The following STARD13 variants were observed in gnomAD, a reference collection of about 807,000 sequenced individuals.
The protein encoded by STARD13 is StAR related lipid transfer domain containing 13.
Under a neutral mutation model 106.4 loss-of-function variants are expected in STARD13, and 62 were observed. The observed-to-expected ratio is 0.58, with a 90% CI of 0.48 to 0.72. STARD13 has a LOEUF of 0.72. STARD13 is among the 30% of genes least tolerant of loss of function. The pLI, the probability that STARD13 is intolerant of heterozygous loss-of-function variation, is 0.00. For missense variants in STARD13, 1,387 were observed against 1,424.0 expected (o/e 0.97, Z 0.42); for synonymous variants, 565 against 553.0 (o/e 1.02, Z -0.31).
chr13:33,650,235 G>A, the STARD13 span, among the ~76,000 whole-genome samples: 1 of 115,900 alleles, frequency 8.6e-6, no homozygotes, highest in Non-Finnish European at 1.6e-5. Context: ...CTGTCACCCA[G>A]CCTGGAGTGC....
At chr13:33,670,089 C>T in the STARD13 span, among the ~76,000 whole-genome samples, 1 of 152,144 alleles carries the variant, frequency 6.6e-6, no homozygotes, top group Admixed American at 6.5e-5. Context: ...ATTTGGGCTG[C>T]AGGATCCTGA....
the STARD13 span, among the ~76,000 whole-genome samples, chr13:33,410,700 A>G: frequency 6.6e-6 from 1 of 152,202 alleles, no homozygotes; most frequent in Non-Finnish European, 1.5e-5. Context: ...TTTCTCTTTT[A>G]AGCGCTCCTC....
At chr13:33,525,112 C>G in the STARD13 span, among the ~76,000 whole-genome samples, 2 of 151,990 alleles carry the variant, frequency 1.3e-5, no homozygotes, top group Non-Finnish European at 2.9e-5. Context: ...GCCTTAAACT[C>G]CCAGGCTAAA....
intron 1 of STARD13, among the ~76,000 whole-genome samples, chr13:33,178,626 C>T (rs1310546262): frequency 6.6e-6 from 1 of 152,208 alleles, no homozygotes; most frequent in Non-Finnish European, 1.5e-5. Context: ...AAATTCAAAA[C>T]TAAGGTCCTG....
chr13:33,581,984 G>C, the STARD13 span, among the ~76,000 whole-genome samples: 1 of 152,114 alleles, frequency 6.6e-6, no homozygotes, highest in Non-Finnish European at 1.5e-5. Context: ...ACTTTGGGAG[G>C]CCGAGGCGAG....
the STARD13 span, among the ~76,000 whole-genome samples, chr13:33,499,902 C>A: frequency 6.6e-6 from 1 of 151,198 alleles, no homozygotes; most frequent in African/African-American, 2.4e-5. Context: ...GTAGCTGGGA[C>A]TATAGGCACC....
chr13:33,196,990 A>G (rs186082006), intron 1 of STARD13, among the ~76,000 whole-genome samples: 4 of 152,374 alleles, frequency 2.6e-5, no homozygotes, highest in African/African-American at 9.6e-5. Context: ...TATAAAATAC[A>G]TAAAGATAGA....
intron 1 of STARD13, among the ~76,000 whole-genome samples, chr13:33,170,045 G>C (rs1178457712): frequency 1.4e-5 from 1 of 73,632 alleles, no homozygotes; most frequent in Non-Finnish European, 3.1e-5. Context: ...ATCATTAATG[G>C]GTACAAAAAA....
intron 3 of STARD13, among the ~76,000 whole-genome samples, chr13:33,146,249 G>T (rs192681874): frequency 6.6e-6 from 1 of 152,220 alleles, no homozygotes; most frequent in South Asian, 2.1e-4. Context: ...GCTTGAACCC[G>T]GGAGGCGGAG....
At position 33,219,065 on chromosome 13, in the gene STARD13, C is replaced by T. The variant is rs112746742; in HGVS notation, c.170-51443G>A. 6.4e-3 allele frequency among the ~76,000 whole-genome samples: 972 copies of T among 152,208 alleles called. 12 individuals carry two copies. The highest frequency in any genetic ancestry group is 0.022 in the African/African-American group (921 of 41,524). ...AATATAACAATCGTGTTTACTATAT[C>T]TATTGTGAAATACAATTACAGGGTA... is the stretch of plus-strand genomic sequence containing the variant. On this transcript the variant is annotated intron_variant, in intron 1 of 13. Transcript: ENST00000336934.
At chr13:33,354,459 G>A (rs2078107756), upstream of STARD13, among the ~76,000 whole-genome samples, 1 of 152,186 alleles carries the variant, frequency 6.6e-6, no homozygotes, top group African/African-American at 2.4e-5. Context: ...ACTGCCGGAG[G>A]AGCACTTATC....
chr13:33,265,907 A>C (rs989425175), intron 1 of STARD13, among the ~76,000 whole-genome samples: 10 of 152,180 alleles, frequency 6.6e-5, no homozygotes, highest in African/African-American at 2.2e-4. Context: ...GGGAGAGAAC[A>C]TGAAGAGATA....
At chr13:33,138,735 T>C (rs1879407143) in intron 4 of STARD13, 2 of 394,376 alleles carry the variant, frequency 5.1e-6, no homozygotes, top group African/African-American at 4.2e-5. Flanking sequence ...TCCTGTCTCC[T>C]GAAATGCTCT....
At chr13:33,609,727 C>T in the STARD13 span, among the ~76,000 whole-genome samples, 704 of 152,124 alleles carry the variant, frequency 4.6e-3, 10 homozygotes, top group African/African-American at 0.016. Context: ...CCACCACGCC[C>T]GGCTAATTTT....
At chr13:33,408,737 C>A in the STARD13 span, among the ~76,000 whole-genome samples, 1 of 152,152 alleles carries the variant, frequency 6.6e-6, no homozygotes, top group Admixed American at 6.6e-5. Context: ...TCATCCCAAT[C>A]CATTTCCTCT....
rs1877952541 is a variant in STARD13, at chr13:33,129,776, T to C, written c.901A>G (p.Met301Val). 1.9e-6 allele frequency: 3 copies of C among 1,614,060 alleles called. No homozygotes were observed. The highest frequency in any genetic ancestry group is 8.5e-7 in the Non-Finnish European group (1 of 1,180,034). Reference protein sequence around the residue: ...LQQEPESFKAMQCIQIPNGDL... With the variant: ...LQQEPESFKAVQCIQIPNGDL... ...CCATTTGGTATTTGGATGCACTGCA[T>C]AGCCTTAAAGGACTCTGGCTCCTGC... The change falls in exon 5 of 14, where the codon ATG (methionine) becomes GTG (valine). Residue 301 changes from methionine to valine, a missense_variant. By Grantham distance (21) the Met-to-Val change is conservative. Coordinates refer to ENST00000336934, the MANE Select transcript of STARD13 (RefSeq NM_178006.4).
the STARD13 span, among the ~76,000 whole-genome samples, chr13:33,647,614 A>G: frequency 3.9e-5 from 6 of 152,364 alleles, no homozygotes; most frequent in African/African-American, 1.4e-4. Flanking sequence ...TTAGTTGGAA[A>G]CTATCTTGAA....
chr13:33,670,063 T>G, the STARD13 span, among the ~76,000 whole-genome samples: 1 of 152,194 alleles, frequency 6.6e-6, no homozygotes, highest in Non-Finnish European at 1.5e-5. Flanking sequence ...GGAATCACCT[T>G]CTGGATTGGC....
At chr13:33,340,164 T>A (rs1419116075) in intron 1 of STARD13, among the ~76,000 whole-genome samples, 1 of 152,232 alleles carries the variant, frequency 6.6e-6, no homozygotes, top group African/African-American at 2.4e-5. Context: ...CATTCATACT[T>A]TTAGATTGTT....
Sources: allele counts gnomAD v4.1 joint callset (sites outside exome capture counted in the v4.1 genomes callset), GRCh38; gene constraint gnomAD v4.1.1; transcripts MANE v1.5; gene names NCBI Gene and HGNC (gene_info 2026-07-23, HGNC 2026-07-21).